ELMO1: variants seen among roughly 807,000 people sequenced by gnomAD.
The protein encoded by ELMO1 is engulfment and cell motility 1, also known as engulfment and cell motility protein 1.
A neutral mutation model predicts 98.9 loss-of-function variants in ELMO1; 26 were observed. That is an observed-to-expected ratio of 0.26 (90% CI 0.19 to 0.36). ELMO1 has a LOEUF of 0.36. Ranked by LOEUF, ELMO1 falls within the 10% of genes least tolerant of loss-of-function variation. ELMO1 has a pLI of 1.00. For synonymous variants in ELMO1, 346 were observed against 346.0 expected (o/e 1.00, Z 0.00); for missense variants, 627 against 935.2 (o/e 0.67, Z 4.30).
At chr7:37,406,538 T>A (rs1281410225) in intron 1 of ELMO1, among the ~76,000 whole-genome samples, 1 of 151,904 alleles carries the variant, frequency 6.6e-6, no homozygotes, top group Non-Finnish European at 1.5e-5. Context: ...CACACCATTG[T>A]CCTGTCTCAG....
chr7:36,990,683 TC>T, intron 16 of ELMO1, among the ~76,000 whole-genome samples: 1 of 152,276 alleles, frequency 6.6e-6, no homozygotes, highest in South Asian at 2.1e-4. Context: ...TTTATTCCTT[TC>T]CATAAGCATG....
At chr7:37,309,039 T>G (rs1798763062) in intron 4 of ELMO1, among the ~76,000 whole-genome samples, 1 of 151,942 alleles carries the variant, frequency 6.6e-6, no homozygotes, top group South Asian at 2.1e-4. Flanking sequence ...CCTGAAGAGA[T>G]AAAGGGACAG....
At chr7:37,382,670 C>T (rs1802627468) in intron 1 of ELMO1, among the ~76,000 whole-genome samples, 1 of 152,078 alleles carries the variant, frequency 6.6e-6, no homozygotes, top group South Asian at 2.1e-4. Flanking sequence ...TAGTATTCCC[C>T]ACGTATTTAC....
At chr7:37,249,269 C>T (rs985513408) in intron 6 of ELMO1, among the ~76,000 whole-genome samples, 1 of 152,034 alleles carries the variant, frequency 6.6e-6, no homozygotes, top group African/African-American at 2.4e-5. Context: ...TGTATTAATG[C>T]AAAAATGATG....
intron 15 of ELMO1, among the ~76,000 whole-genome samples, chr7:37,071,996 A>C (rs1797299195): frequency 6.6e-6 from 1 of 152,226 alleles, no homozygotes; most frequent in Non-Finnish European, 1.5e-5. Context: ...CTCAAGAGTA[A>C]ACAAGTTCTT....
intron 18 of ELMO1, among the ~76,000 whole-genome samples, chr7:36,881,576 T>C (rs1347877166): frequency 6.6e-6 from 1 of 152,184 alleles, no homozygotes; most frequent in Non-Finnish European, 1.5e-5. Context: ...CAATTACTAA[T>C]GAGAGTACGT....
intron 6 of ELMO1, among the ~76,000 whole-genome samples, chr7:37,245,296 C>T (rs1794944050): frequency 6.6e-6 from 1 of 152,186 alleles, no homozygotes; most frequent in Non-Finnish European, 1.5e-5. Context: ...CACTGTCCTT[C>T]TAGCTGCTTG....
chr7:37,406,391 CAT>C (rs1256064733), intron 1 of ELMO1, among the ~76,000 whole-genome samples: 2 of 150,762 alleles, frequency 1.3e-5, no homozygotes, highest in African/African-American at 4.9e-5. Context: ...AAACTAAAAA[CAT>C]ATTCTTAGGA....
At chr7:37,216,997 A>C (rs1033731690) in intron 10 of ELMO1, among the ~76,000 whole-genome samples, 2 of 152,218 alleles carry the variant, frequency 1.3e-5, no homozygotes, top group Non-Finnish European at 2.9e-5. Flanking sequence ...ACTCCAAACA[A>C]AGCAATGGCT....
intron 20 of ELMO1, among the ~76,000 whole-genome samples, chr7:36,864,743 A>C (rs1481145394): frequency 6.6e-6 from 1 of 152,216 alleles, no homozygotes; most frequent in East Asian, 1.9e-4. Flanking sequence ...CACACACCAC[A>C]ACACTCACTT....
chr7:37,435,466 C>T (rs55887016), intron 1 of ELMO1, among the ~76,000 whole-genome samples: 2 of 152,302 alleles, frequency 1.3e-5, no homozygotes, highest in South Asian at 2.1e-4. Flanking sequence ...TTCTGGATTT[C>T]GAAAGGGTGA....
chr7:37,169,342 AC>A lies in ELMO1; in HGVS notation c.1087-36109del, dbSNP rs551365569. On this transcript the variant is annotated intron_variant, in intron 13 of 21. Coordinates refer to ENST00000310758, the MANE Select transcript of ELMO1 (RefSeq NM_014800.11). ...CTTCGGCTCGTGCATCGTGCACTGC[AC>A]CCAATGACCTGCGCCCACTGTCTGG... 2.6e-3 allele frequency among the ~76,000 whole-genome samples: 399 copies of A among 152,274 alleles called. 5 individuals carry two copies. The highest frequency in any genetic ancestry group is 9.2e-3 in the African/African-American group (382 of 41,554).
At chr7:37,334,227 C>G (rs543809209) in intron 2 of ELMO1, among the ~76,000 whole-genome samples, 16 of 152,238 alleles carry the variant, frequency 1.1e-4, no homozygotes, top group Admixed American at 6.5e-4. Flanking sequence ...GTCCACCGCC[C>G]AAGAGACATT....
intron 15 of ELMO1, among the ~76,000 whole-genome samples, chr7:37,027,088 CCCCACAAGCTTCA>C (rs1794622213): frequency 6.6e-6 from 1 of 152,114 alleles, no homozygotes; most frequent in South Asian, 2.1e-4. Context: ...CTGGAAGGCT[CCCCACAAGCTTCA>C]CCCACTGCCT....
At chr7:37,428,400 G>T (rs985376985) in intron 1 of ELMO1, among the ~76,000 whole-genome samples, 3 of 152,126 alleles carry the variant, frequency 2.0e-5, no homozygotes, top group African/African-American at 7.2e-5. Context: ...CTGCTTGGCA[G>T]TCTTGACTAA....
intron 15 of ELMO1, among the ~76,000 whole-genome samples, chr7:37,023,234 T>C (rs1794377338): frequency 6.6e-6 from 1 of 152,172 alleles, no homozygotes; most frequent in South Asian, 2.1e-4. Flanking sequence ...TGTGTGTTCT[T>C]TGGATTTGAA....
chr7:37,060,429 T>G (rs1186147739), intron 15 of ELMO1, among the ~76,000 whole-genome samples: 1 of 152,144 alleles, frequency 6.6e-6, no homozygotes, highest in African/African-American at 2.4e-5. Flanking sequence ...ATACTGCATA[T>G]TCTCACTTAT....
chr7:37,316,045 T>G, intron 2 of ELMO1, 85 bp from the exon 3 acceptor site: 1 of 1,088,626 alleles, frequency 9.2e-7, no homozygotes. Context: ...ATAAAAAGAT[T>G]ATCTAAGCAA....
chr7:37,416,199 C>T (rs191999497), intron 1 of ELMO1, among the ~76,000 whole-genome samples: 24 of 152,286 alleles, frequency 1.6e-4, no homozygotes, highest in Non-Finnish European at 2.2e-4. Flanking sequence ...AGATATGCCA[C>T]CAAAACTGCC....
Sources: gnomAD v4.1 joint callset for allele counts (sites outside exome capture counted in the v4.1 genomes callset) on GRCh38, gnomAD v4.1.1 for gene constraint, MANE v1.5 for transcripts, NCBI Gene and HGNC (gene_info 2026-07-23, HGNC 2026-07-21) for gene names.